The following CDCA2 variants were observed in gnomAD, a reference collection of about 807,000 sequenced individuals.
CDCA2 encodes cell division cycle associated 2.
CDCA2 carries 44 observed loss-of-function variants against 67.0 expected under a neutral mutation model. The ratio of observed to expected loss-of-function variants is 0.66; its 90% confidence interval spans 0.52 to 0.84. CDCA2 has a LOEUF of 0.84. CDCA2 is among the 40% of genes least tolerant of loss of function. The probability of loss-of-function intolerance (pLI) is 0.00; values close to 1 mark genes in which losing one functional copy is unlikely to be tolerated. For synonymous variants in CDCA2, 447 were observed against 418.7 expected (o/e 1.07, Z -0.82); for missense variants, 1,253 against 1,203.2 (o/e 1.04, Z -0.61).
intron 4 of CDCA2, among the ~76,000 whole-genome samples, chr8:25,462,914 T>C (rs1802756950): frequency 6.6e-6 from 1 of 152,174 alleles, no homozygotes. Context: ...CTCCTGACCC[T>C]AAGCAATCCC....
At chr8:25,493,158 G>T (rs1056503132) in intron 13 of CDCA2, among the ~76,000 whole-genome samples, 6 of 152,082 alleles carry the variant, frequency 3.9e-5, no homozygotes, top group African/African-American at 1.2e-4. Context: ...TTAATGAAAA[G>T]AAATAGAAAT....
chr8:25,485,675 A>C, intron 10 of CDCA2, 84 bp from the exon 11 acceptor site: 3 of 698,150 alleles, frequency 4.3e-6, no homozygotes, highest in Non-Finnish European at 7.2e-6. Context: ...TCTCCTACCA[A>C]AATAAATTCT....
At chr8:25,465,361 A>G (rs553761224) in intron 4 of CDCA2, among the ~76,000 whole-genome samples, 1 of 145,178 alleles carries the variant, frequency 6.9e-6, no homozygotes, top group African/African-American at 2.6e-5. Flanking sequence ...CAAACTTCAT[A>G]TCAGTGGAAA....
intron 7 of CDCA2, among the ~76,000 whole-genome samples, chr8:25,478,513 G>A (rs1417145927): frequency 1.3e-5 from 2 of 152,052 alleles, no homozygotes; most frequent in Non-Finnish European, 2.9e-5. Flanking sequence ...ATCTTTCATC[G>A]ACTTCCTGTT....
chr8:25,473,888 A>G (rs913021386), intron 7 of CDCA2, among the ~76,000 whole-genome samples: 6 of 152,204 alleles, frequency 3.9e-5, no homozygotes, highest in African/African-American at 1.2e-4. Flanking sequence ...CTTTGAGACT[A>G]TAATCCTAAT....
intron 7 of CDCA2, among the ~76,000 whole-genome samples, chr8:25,470,624 A>G (rs923803952): frequency 1.3e-5 from 2 of 152,242 alleles, no homozygotes; most frequent in African/African-American, 2.4e-5. Context: ...CACATAAAAT[A>G]CAGAAACTAC....
chr8:25,495,697 G>A (rs181112869), intron 13 of CDCA2, among the ~76,000 whole-genome samples: 6 of 152,304 alleles, frequency 3.9e-5, no homozygotes, highest in African/African-American at 1.4e-4. Context: ...TGGGATTACA[G>A]GCGTGAGCCA....
chr8:25,489,381 A>G lies in CDCA2; in HGVS notation c.1671+692A>G, dbSNP rs1047693154. Among the ~76,000 whole-genome samples, 5 of 152,192 alleles carry G rather than the reference A, an allele frequency of 3.3e-5. No individual in the cohort carries two copies. In the East Asian group the frequency reaches 9.6e-4, roughly 29 times the overall value. ...CTTCTGTACTGCTAAGCTTTCAGAT[A>G]CACCTGAAGTTCATGTTTCCCTCTT... On this transcript the variant is annotated intron_variant, in intron 13 of 14. Transcript: ENST00000330560.
chr8:25,504,568 G>A (rs902435015), intron 14 of CDCA2, among the ~76,000 whole-genome samples: 1 of 152,134 alleles, frequency 6.6e-6, no homozygotes, highest in Non-Finnish European at 1.5e-5. Flanking sequence ...TAATAGACTT[G>A]AGGATGAATG....
chr8:25,489,600 T>C (rs997180557), intron 13 of CDCA2, among the ~76,000 whole-genome samples: 7 of 152,220 alleles, frequency 4.6e-5, no homozygotes, highest in African/African-American at 1.7e-4. Flanking sequence ...CATCTGGCCT[T>C]CTTCTTCACC....
intron 14 of CDCA2, among the ~76,000 whole-genome samples, chr8:25,506,243 T>G (rs1473183813): frequency 2.6e-5 from 4 of 152,248 alleles, no homozygotes; most frequent in Non-Finnish European, 4.4e-5. Flanking sequence ...AGGAAGCTGT[T>G]TCAGATGCTG....
intron 4 of CDCA2, among the ~76,000 whole-genome samples, chr8:25,465,359 A>G (rs1387436609): frequency 1.4e-5 from 2 of 146,788 alleles, no homozygotes; most frequent in African/African-American, 2.5e-5. Context: ...CACAAACTTC[A>G]TATCAGTGGA....
chr8:25,507,593 A>C lies in CDCA2; in HGVS notation c.2927A>C (p.Lys976Thr). The C allele has an allele frequency of 6.2e-7, 1 of 1,614,180 alleles. No homozygotes were observed. Residue 976 changes from lysine (K) to threonine (T), a missense_variant, in exon 15 of 15, where the codon AAG becomes ACG. Lys to Thr is a moderately conservative substitution (Grantham distance 78). Coordinates refer to ENST00000330560, the MANE Select transcript of CDCA2 (RefSeq NM_152562.4). ...TCCGATGAACCTGGTAAGAGGAGGA[A>C]GAGCTTTTGTATATCTACACTTGCA... is the stretch of plus-strand genomic sequence containing the variant. Reference protein sequence around the residue: ...GSSDEPGKRRKSFCISTLANT... With the variant: ...GSSDEPGKRRTSFCISTLANT...
At chr8:25,495,229 G>C (rs1199178804) in intron 13 of CDCA2, among the ~76,000 whole-genome samples, 1 of 152,156 alleles carries the variant, frequency 6.6e-6, no homozygotes, top group Admixed American at 6.5e-5. Flanking sequence ...AGTGTGTACT[G>C]TTTTTCAGTT....
At chr8:25,497,961 T>C (rs1804301411) in intron 13 of CDCA2, among the ~76,000 whole-genome samples, 1 of 152,180 alleles carries the variant, frequency 6.6e-6, no homozygotes, top group East Asian at 1.9e-4. Context: ...AGGACTTGGC[T>C]AATTCTATAG....
rs1803875095 is a variant in CDCA2 at position 25,488,612 on chromosome 8, T to A, written c.1594T>A (p.Cys532Ser). The part of the protein sequence containing the change: ...CNLLNTEVQP[C>S]KEKKINRRKS... ...CTTATTGAATACAGAAGTTCAGCCT[T>A]GTAAAGAAAAGAAAATTAATAGGAG... Residue 532 changes from cysteine (C) to serine (S), a missense_variant, in exon 13 of 15, where the codon TGT becomes AGT. Coordinates refer to ENST00000330560, the MANE Select transcript of CDCA2 (RefSeq NM_152562.4). 1 of 1,613,224 alleles carries A rather than the reference T, an allele frequency of 6.2e-7. No homozygotes were observed.
intron 14 of CDCA2, among the ~76,000 whole-genome samples, chr8:25,505,532 G>A (rs995711036): frequency 6.6e-5 from 10 of 152,136 alleles, no homozygotes; most frequent in Non-Finnish European, 2.9e-5. Context: ...TGTCTAAAGA[G>A]CCCAACTAAC....
At chr8:25,487,424 C>G in intron 12 of CDCA2, 90 bp downstream of exon 12, 2 of 850,912 alleles carry the variant, frequency 2.4e-6, no homozygotes, top group Non-Finnish European at 3.9e-6. Flanking sequence ...TGGGTGAAAT[C>G]TTAGTTTAAT....
intron 13 of CDCA2, among the ~76,000 whole-genome samples, chr8:25,501,158 C>A (rs1048646865): frequency 2.0e-5 from 3 of 152,160 alleles, no homozygotes; most frequent in African/African-American, 7.2e-5. Flanking sequence ...ATTATTTATA[C>A]TGTGGACTTC....
Sources: gnomAD v4.1 joint callset for allele counts (sites outside exome capture counted in the v4.1 genomes callset) on GRCh38, gnomAD v4.1.1 for gene constraint, MANE v1.5 for transcripts, NCBI Gene and HGNC (gene_info 2026-07-23, HGNC 2026-07-21) for gene names.